Variants in SLC7A6 observed in about 807,000 individuals in gnomAD.
The protein encoded by SLC7A6 is solute carrier family 7 member 6.
A neutral mutation model predicts 46.6 loss-of-function variants in SLC7A6; 29 were observed. The observed-to-expected ratio is 0.62, with a 90% CI of 0.46 to 0.85. The LOEUF (loss-of-function observed/expected upper bound fraction) is 0.85. Ranked by LOEUF, SLC7A6 falls within the 40% of genes least tolerant of loss-of-function variation. The probability of loss-of-function intolerance (pLI) is 0.00; values close to 1 mark genes in which losing one functional copy is unlikely to be tolerated. For synonymous variants in SLC7A6, 276 were observed against 257.3 expected, an observed-to-expected ratio of 1.07 and a Z score of -0.70; for missense variants, 527 against 647.6, an observed-to-expected ratio of 0.81 and a Z score of 2.02.
rs1011030241 is a variant in SLC7A6 at position 68,299,137 on chromosome 16, G to C, written c.*1809G>C. 6.6e-6 allele frequency: 1 copy of C among 152,634 alleles called. No homozygotes were observed. Among genetic ancestry groups the C allele is most frequent in the African/African-American group, 2.4e-5 (1 of 41,420 alleles). The allele number at this position is 152,634 out of a possible 1,614,324, so 9.5% of individuals were successfully genotyped here. On this transcript the variant is annotated 3_prime_UTR_variant, in exon 11 of 11. Transcript: ENST00000219343. ...CGACGACAGGGTGTCTTATGCAAAG[G>C]CTGACTTGCCTGAACGCTAAGAACA...
At position 68,299,693 on chromosome 16, in the gene SLC7A6, G is replaced by A. The variant is rs1256923418; in HGVS notation, c.*2365G>A. 1 of 152,118 alleles carries A rather than the reference G, an allele frequency of 6.6e-6. No homozygotes were observed. The highest frequency in any genetic ancestry group is 2.4e-5 in the African/African-American group (1 of 41,422). 9.4% of individuals were successfully genotyped at this position (152,118 alleles called of 1,614,324 possible). On this transcript the variant is annotated 3_prime_UTR_variant, in exon 11 of 11. Transcript: ENST00000219343. ...CACAGTGTTTTGTTTTTTTCACCCG[G>A]TTGCTGTATGAGAATGGCTTTCAAT...
Position 68,274,854 on chromosome 16 carries a change from A to G in SLC7A6, c.128A>G (p.Lys43Arg). ...QRSSETMQLK[K>R]EISLLNGVSL... is the part of the protein sequence containing the mutation. ...TCCTCCGAAACTATGCAGCTGAAGA[A>G]GGAGATCTCCCTGCTGAATGGGGTC... Residue 43 changes from lysine (K) to arginine (R), a missense_variant, in exon 3 of 11, where the codon AAG (lysine) becomes AGG (arginine). Transcript: ENST00000219343. The G allele has an allele frequency of 6.2e-7, 1 of 1,614,190 alleles. No individual in the cohort carries two copies. The highest frequency in any genetic ancestry group is 1.6e-4 in the Middle Eastern group (1 of 6,062).
At chr16:68,294,084 G>C (rs1043279906) in intron 7 of SLC7A6, among the ~76,000 whole-genome samples, 1 of 152,144 alleles carries the variant, frequency 6.6e-6, no homozygotes, top group Non-Finnish European at 1.5e-5. Flanking sequence ...AGTAGAGACA[G>C]GGTTTATCCA....
intron 4 of SLC7A6, among the ~76,000 whole-genome samples, chr16:68,288,491 G>T (rs141748771): frequency 2.9e-3 from 440 of 152,276 alleles, no homozygotes; most frequent in African/African-American, 0.01. Context: ...GATCTCATGA[G>T]CCCTAGAGAG....
At chr16:68,290,591 G>A in intron 5 of SLC7A6, 51 bp downstream of exon 5, 1 of 1,606,502 alleles carries the variant, frequency 6.2e-7, no homozygotes, top group Non-Finnish European at 8.5e-7. Flanking sequence ...AACTCCTGCT[G>A]ATAGTGGGCG....
chr16:68,278,853 G>T (rs1410792623), intron 3 of SLC7A6, among the ~76,000 whole-genome samples: 1 of 152,092 alleles, frequency 6.6e-6, no homozygotes, highest in African/African-American at 2.4e-5. Flanking sequence ...GTGGCGGCCG[G>T]GCAGAGGGGC....
chr16:68,282,108 A>AT (rs1658984655), intron 3 of SLC7A6, among the ~76,000 whole-genome samples: 2 of 152,140 alleles, frequency 1.3e-5, no homozygotes, highest in Non-Finnish European at 2.9e-5. Context: ...AGTAGAAAAG[A>AT]TACGCTCCTC....
At position 68,274,712 on chromosome 16, in the gene SLC7A6, C is replaced by A. The variant is rs763704286; in HGVS notation, c.-15C>A. The A allele has an allele frequency of 2.5e-5, 40 of 1,613,488 alleles. No individual in the cohort carries two copies. Among genetic ancestry groups the A allele is most frequent in the Non-Finnish European group, 3.3e-5 (39 of 1,179,640 alleles). On this transcript the variant is annotated 5_prime_UTR_variant, in exon 3 of 11. Transcript: ENST00000219343. ...CCAGGCCACAGCAAACACAGGTGTG[C>A]AGGAACCGTTTGTCATGGAAGCCAG...
chr16:68,294,544 A>T, intron 7 of SLC7A6, 161 bp from the exon 8 acceptor site: 2 of 616,552 alleles, frequency 3.2e-6, no homozygotes, highest in Non-Finnish European at 5.8e-6. Flanking sequence ...AGGGGGGAGC[A>T]GGGAGGTTGG....
chr16:68,277,106 A>C (rs2042725486), intron 3 of SLC7A6, among the ~76,000 whole-genome samples: 3 of 150,398 alleles, frequency 2.0e-5, no homozygotes, highest in Admixed American at 6.6e-5. Flanking sequence ...TTTTTTTTTG[A>C]GATAGAGTCT....
intron 3 of SLC7A6, among the ~76,000 whole-genome samples, chr16:68,283,979 C>A (rs1202718614): frequency 1.3e-5 from 2 of 152,092 alleles, no homozygotes; most frequent in Non-Finnish European, 2.9e-5. Flanking sequence ...GGAGAACAGT[C>A]AAGGGACTTG....
intron 7 of SLC7A6, among the ~76,000 whole-genome samples, chr16:68,293,895 GT>G (rs2043108369): frequency 6.6e-6 from 1 of 152,104 alleles, no homozygotes; most frequent in African/African-American, 2.4e-5. Flanking sequence ...TTCTGTGCCA[GT>G]CTTTTTTTGT....
intron 8 of SLC7A6, among the ~76,000 whole-genome samples, chr16:68,295,565 T>C (rs1159089963): frequency 6.6e-6 from 1 of 152,236 alleles, no homozygotes; most frequent in Non-Finnish European, 1.5e-5. Flanking sequence ...GCTGGGATTA[T>C]AGGCACAAGC....
At chr16:68,286,744 C>G (rs2042944124) in intron 3 of SLC7A6, among the ~76,000 whole-genome samples, 1 of 152,046 alleles carries the variant, frequency 6.6e-6, no homozygotes, top group Admixed American at 6.6e-5. Flanking sequence ...CCACGTGAGC[C>G]TAGGGAGTAC....
intron 3 of SLC7A6, among the ~76,000 whole-genome samples, chr16:68,278,163 G>C (rs1236743649): frequency 6.6e-6 from 1 of 151,178 alleles, no homozygotes; most frequent in Non-Finnish European, 1.5e-5. Context: ...CACCATGTTG[G>C]TCAGGATGGT....
chr16:68,267,863 A>T (rs2042562170), intron 2 of SLC7A6, among the ~76,000 whole-genome samples: 1 of 152,152 alleles, frequency 6.6e-6, no homozygotes, highest in Non-Finnish European at 1.5e-5. Flanking sequence ...TAAGTTGATC[A>T]CTAATGGCCA....
At chr16:68,286,468 G>A (rs560771107) in intron 3 of SLC7A6, among the ~76,000 whole-genome samples, 13 of 152,292 alleles carry the variant, frequency 8.5e-5, no homozygotes, top group Admixed American at 2.6e-4. Context: ...CTGGCTGAAG[G>A]AGAGAGTGCA....
intron 3 of SLC7A6, among the ~76,000 whole-genome samples, chr16:68,276,162 A>T (rs1001866637): frequency 3.9e-5 from 6 of 152,218 alleles, no homozygotes; most frequent in African/African-American, 1.4e-4. Context: ...AGACTTCTTT[A>T]CACTGACTTT....
Position 68,297,523 on chromosome 16 carries a change from C to A in SLC7A6, c.*195C>A. On this transcript the variant is annotated 3_prime_UTR_variant, in exon 11 of 11. Transcript: ENST00000219343. ...ATCTGGGCCAACCTCAAGGTGGGGG[C>A]TTCAGAGGGTGGGGGGAAGATTGGG... is the stretch of plus-strand genomic sequence containing the variant. The A allele has an allele frequency of 1.2e-5, 4 of 328,932 alleles. No homozygotes were observed. Among genetic ancestry groups the A allele is most frequent in the Non-Finnish European group, 1.6e-5 (3 of 184,810 alleles). The allele number at this position is 328,932 out of a possible 1,614,324, so 20.4% of individuals were successfully genotyped here.
Sources: allele counts gnomAD v4.1 joint callset (sites outside exome capture counted in the v4.1 genomes callset), GRCh38; gene constraint gnomAD v4.1.1; transcripts MANE v1.5; gene names NCBI Gene and HGNC (gene_info 2026-07-23, HGNC 2026-07-21).